Variants in TMPRSS15 observed in about 807,000 individuals in gnomAD.
TMPRSS15 encodes the protein transmembrane serine protease 15, also known as enteropeptidase.
TMPRSS15 carries 128 observed loss-of-function variants against 125.3 expected under a neutral mutation model. The observed-to-expected ratio is 1.02, with a 90% CI of 0.89 to 1.18. The LOEUF (loss-of-function observed/expected upper bound fraction) is 1.18. TMPRSS15 is among the 50% of genes most tolerant of loss of function. The probability of loss-of-function intolerance (pLI) is 0.00; values close to 1 mark genes in which losing one functional copy is unlikely to be tolerated. For missense variants in TMPRSS15, 1,283 were observed against 1,212.7 expected, an observed-to-expected ratio of 1.06 and a Z score of -0.86; for synonymous variants, 446 against 423.2, an observed-to-expected ratio of 1.05 and a Z score of -0.66.
rs1185332899 is a variant in TMPRSS15, at chr21:18,269,946, T to C, written c.*23A>G. 2 of 1,613,072 alleles carry C rather than the reference T, an allele frequency of 1.2e-6. No individual in the cohort carries two copies. Among genetic ancestry groups the C allele is most frequent in the East Asian group, 2.2e-5 (1 of 44,844 alleles). On this transcript the variant is annotated 3_prime_UTR_variant, in exon 25 of 25. Coordinates refer to ENST00000284885, the MANE Select transcript of TMPRSS15 (RefSeq NM_002772.3). ...GTAGAATGGGAAAATAATGCGACTT[T>C]CCTGTTTAGTTTAAGAAATGCGCTA...
chr21:18,383,910 T>A, intron 3 of TMPRSS15, 132 bp from the exon 4 acceptor site: 1 of 1,060,746 alleles, frequency 9.4e-7, no homozygotes, highest in East Asian at 2.6e-5. Flanking sequence ...CTGTGTAAGG[T>A]AGTCACTTCA....
chr21:18,371,015 G>C (rs1410449744), intron 6 of TMPRSS15, among the ~76,000 whole-genome samples: 2 of 152,136 alleles, frequency 1.3e-5, no homozygotes, highest in Non-Finnish European at 2.9e-5. Flanking sequence ...AAAATGTGCA[G>C]TTAATACTGT....
At chr21:18,373,011 G>C (rs2075808200) in intron 5 of TMPRSS15, among the ~76,000 whole-genome samples, 1 of 152,052 alleles carries the variant, frequency 6.6e-6, no homozygotes, top group Non-Finnish European at 1.5e-5. Context: ...AAATTTTTAG[G>C]CCAGTGTGGA....
rs763542195 is a variant in TMPRSS15, at chr21:18,294,354, C to T, written c.2402G>A (p.Gly801Asp). 6.2e-7 allele frequency: 1 copy of T among 1,614,244 alleles called. No homozygotes were observed. The highest frequency in any genetic ancestry group is 8.5e-7 in the Non-Finnish European group (1 of 1,180,042). Reference sequence around the variant, plus strand: ...GAGCAGTCGGCCGCCATAATACAGACCCACAACCCAGGGCCAGGCCCCTTC... The same window carrying T: ...GAGCAGTCGGCCGCCATAATACAGATCCACAACCCAGGGCCAGGCCCCTTC... ...AKEGAWPWVV[G>D]LYYGGRLLCG... The change falls in exon 21 of 25, where the codon GGT becomes GAT. Residue 801 changes from glycine to aspartate, a missense_variant. Transcript: ENST00000284885.
intron 12 of TMPRSS15, 117 bp from the exon 13 acceptor site, chr21:18,341,665 G>A: frequency 9.0e-7 from 1 of 1,112,604 alleles, no homozygotes. Context: ...TTGTCACCTT[G>A]AACTATATGG....
chr21:18,347,877 T>C (rs1429027881), intron 10 of TMPRSS15, among the ~76,000 whole-genome samples: 1 of 152,100 alleles, frequency 6.6e-6, no homozygotes. Context: ...CCATCTGTAA[T>C]CCCAGCAATT....
Position 18,287,924 on chromosome 21 carries a change from A to T in TMPRSS15, c.2486+6346T>A, listed in dbSNP as rs954681570. Among the ~76,000 whole-genome samples the T allele has an allele frequency of 1.1e-4, 17 of 152,306 alleles. No individual in the cohort carries two copies. In the East Asian group the frequency reaches 1.4e-3, roughly 12 times the overall value. On this transcript the variant is annotated intron_variant, in intron 21 of 24. Coordinates refer to ENST00000284885, the MANE Select transcript of TMPRSS15 (RefSeq NM_002772.3). The stretch of plus-strand genomic sequence containing the variant: ...ACCCTTGAAATCTCTACTGTCTATG[A>T]CTATTTATCAGAGAACTAAGAATAG...
chr21:18,458,685 GA>G (rs758761417), intron 1 of TMPRSS15, among the ~76,000 whole-genome samples: 1 of 152,122 alleles, frequency 6.6e-6, no homozygotes, highest in East Asian at 1.9e-4. Context: ...CACAGCCACA[GA>G]ATGGATTAAG....
chr21:18,269,735 C>A lies in TMPRSS15; in HGVS notation c.*234G>T. The A allele has an allele frequency of 2.2e-6, 1 of 459,290 alleles. No homozygotes were observed. Among genetic ancestry groups the A allele is most frequent in the Non-Finnish European group, 3.9e-6 (1 of 256,056 alleles). The allele number at this position is 459,290 out of a possible 1,614,324, so 28.5% of individuals were successfully genotyped here. ...TGAGATCTGTGAAGAAATACCTGTT[C>A]ACAATGAAATACAAATGTATTTAAT... On this transcript the variant is annotated 3_prime_UTR_variant, in exon 25 of 25. Transcript: ENST00000284885.
intron 1 of TMPRSS15, among the ~76,000 whole-genome samples, chr21:18,483,961 T>C (rs1388765988): frequency 6.6e-6 from 1 of 151,866 alleles, no homozygotes; most frequent in East Asian, 1.9e-4. Context: ...TTAGTAATCC[T>C]TATTTTTTAT....
intron 21 of TMPRSS15, among the ~76,000 whole-genome samples, chr21:18,287,558 A>T (rs2074780265): frequency 6.6e-6 from 1 of 152,170 alleles, no homozygotes; most frequent in Non-Finnish European, 1.5e-5. Context: ...AACTTGAGAG[A>T]TACGATAGAA....
intron 24 of TMPRSS15, among the ~76,000 whole-genome samples, chr21:18,273,872 A>C (rs2146853732): frequency 6.6e-6 from 1 of 152,370 alleles, no homozygotes; most frequent in East Asian, 1.9e-4. Context: ...CTAAGCTGGA[A>C]GTTTAACACA....
intron 1 of TMPRSS15, among the ~76,000 whole-genome samples, chr21:18,416,388 T>C (rs1457373064): frequency 6.6e-6 from 1 of 152,030 alleles, no homozygotes; most frequent in Non-Finnish European, 1.5e-5. Flanking sequence ...TTCTTGACTT[T>C]ATACTCCATT....
chr21:18,458,357 A>T (rs777933152), intron 1 of TMPRSS15, among the ~76,000 whole-genome samples: 8 of 152,126 alleles, frequency 5.3e-5, no homozygotes, highest in Non-Finnish European at 5.9e-5. Context: ...GTTCTTTTAG[A>T]CTATATTCAG....
At chr21:18,312,696 T>C (rs2146935411) in intron 18 of TMPRSS15, among the ~76,000 whole-genome samples, 1 of 152,068 alleles carries the variant, frequency 6.6e-6, no homozygotes, top group South Asian at 2.1e-4. Context: ...CATAAGTATT[T>C]TGTATAACAG....
chr21:18,361,833 C>T (rs2075681847), intron 7 of TMPRSS15, among the ~76,000 whole-genome samples: 1 of 151,676 alleles, frequency 6.6e-6, no homozygotes. Context: ...ATTTTTGGAC[C>T]TACTGGTGTT....
chr21:18,366,503 C>G (rs1250348389), intron 6 of TMPRSS15, among the ~76,000 whole-genome samples: 7 of 152,068 alleles, frequency 4.6e-5, no homozygotes, highest in Admixed American at 1.3e-4. Context: ...TAATTTATAT[C>G]TGAATAGATT....
At chr21:18,302,640 C>G (rs1326239190) in intron 18 of TMPRSS15, among the ~76,000 whole-genome samples, 1 of 152,142 alleles carries the variant, frequency 6.6e-6, no homozygotes, top group African/African-American at 2.4e-5. Context: ...TCAATTTCTA[C>G]TTTTGTGCAA....
chr21:18,437,655 A>T (rs1409393274), intron 1 of TMPRSS15, among the ~76,000 whole-genome samples: 1 of 152,204 alleles, frequency 6.6e-6, no homozygotes, highest in Non-Finnish European at 1.5e-5. Flanking sequence ...CCCATCAAAA[A>T]GTGGGCAAAG....
Sources: allele counts gnomAD v4.1 joint callset (sites outside exome capture counted in the v4.1 genomes callset), GRCh38; gene constraint gnomAD v4.1.1; transcripts MANE v1.5; gene names NCBI Gene and HGNC (gene_info 2026-07-23, HGNC 2026-07-21).